Variants in SH3YL1 observed in about 807,000 individuals in gnomAD.
The protein encoded by SH3YL1 is SH3 domain-containing YSC84-like protein 1.
A neutral mutation model predicts 45.8 loss-of-function variants in SH3YL1; 41 were observed. That is an observed-to-expected ratio of 0.89 (90% CI 0.70 to 1.16). The LOEUF is 1.16. SH3YL1 is among the 50% of genes most tolerant of loss of function. The probability of loss-of-function intolerance (pLI) is 0.00; values close to 1 mark genes in which losing one functional copy is unlikely to be tolerated. For missense variants in SH3YL1, 389 were observed against 409.6 expected (o/e 0.95, Z 0.43); for synonymous variants, 152 against 151.4 (o/e 1.00, Z -0.03).
At chr2:229,027 C>T (rs1439327873) in intron 8 of SH3YL1, among the ~76,000 whole-genome samples, 2 of 152,182 alleles carry the variant, frequency 1.3e-5, no homozygotes, top group East Asian at 1.9e-4. Context: ...GCAAGATCTA[C>T]GTTAAAGTCA....
intron 4 of SH3YL1, chr2:241,530 T>C (rs1458695194): frequency 3.2e-5 from 4 of 126,254 alleles, no homozygotes; most frequent in Non-Finnish European, 5.3e-5. Context: ...ATGAAAAACA[T>C]GGATCTACAC....
intron 1 of SH3YL1, chr2:256,753 T>C (rs1669350671): frequency 6.6e-6 from 1 of 152,206 alleles, no homozygotes; most frequent in Admixed American, 6.5e-5. Context: ...GGATAGGAAT[T>C]GCCAGTTCAT....
chr2:264,097 C>A, upstream of SH3YL1: 15 of 1,323,490 alleles, frequency 1.1e-5, no homozygotes, highest in Non-Finnish European at 1.5e-5. Context: ...CGGCAGGTGA[C>A]GAAGGAGGCG....
At chr2:220,134 C>G (rs960687347) in intron 9 of SH3YL1, among the ~76,000 whole-genome samples, 1 of 150,310 alleles carries the variant, frequency 6.7e-6, no homozygotes, top group African/African-American at 2.5e-5. Flanking sequence ...TACAGACATA[C>G]AGAAAACATC....
At chr2:252,944 G>A in intron 2 of SH3YL1, 61 bp downstream of exon 2, 1 of 1,052,818 alleles carries the variant, frequency 9.5e-7, no homozygotes, top group Non-Finnish European at 1.4e-6. Flanking sequence ...GTCGAACAAT[G>A]CAAAAAACAA....
At chr2:230,862 G>A in intron 7 of SH3YL1, 161 bp downstream of exon 7, 1 of 677,408 alleles carries the variant, frequency 1.5e-6, no homozygotes, top group Admixed American at 2.6e-5. Flanking sequence ...AATCTGTACA[G>A]AGGAAATGTC....
rs537756549 is a variant in SH3YL1 at position 248,392 on chromosome 2, G to T, written c.227-790C>A. On this transcript the variant is annotated intron_variant, in intron 3 of 9. Coordinates refer to ENST00000356150, the MANE Select transcript of SH3YL1 (RefSeq NM_015677.4). ...AACTATCCTACCCAGGCTTAGAGAA[G>T]TTTGGCTTACAGAAATTAGTGTCTG... Among the ~76,000 whole-genome samples, 12 of 152,228 alleles carry T rather than the reference G, an allele frequency of 7.9e-5. No homozygotes were observed. The East Asian group carries it at 2.1e-3, about 27-fold the overall frequency.
Position 233,171 on chromosome 2 carries a change from A to T in SH3YL1, c.463T>A (p.Ser155Thr). 6.3e-7 allele frequency: 1 copy of T among 1,597,206 alleles called. No individual in the cohort carries two copies. Among genetic ancestry groups the T allele is most frequent in the Non-Finnish European group, 8.5e-7 (1 of 1,170,296 alleles). Residue 155 changes from serine (S) to threonine (T), a missense_variant, in exon 6 of 10, where the codon TCA (serine) becomes ACA (threonine). Coordinates refer to ENST00000356150, the MANE Select transcript of SH3YL1 (RefSeq NM_015677.4). ...GACACGCCTGCAAAGAGTCCCCTTG[A>T]CTTGCAGTACGTGAAGACGGCAGCG... ...SSAAVFTYCK[S>T]RGLFAGVSLE...
Position 218,529 on chromosome 2 carries a change from T to A in SH3YL1, c.*282A>T. ...CACAGCTACCATATACATGGCCAGA[T>A]CAAATGCTTAGCGATGTTTGAAGTG... On this transcript the variant is annotated 3_prime_UTR_variant, in exon 10 of 10. Transcript: ENST00000356150. 3.7e-6 allele frequency: 1 copy of A among 273,932 alleles called. No individual in the cohort carries two copies. The highest frequency in any genetic ancestry group is 6.8e-5 in the East Asian group (1 of 14,756). 17.0% of individuals were successfully genotyped at this position (273,932 alleles called of 1,614,324 possible). A position where few individuals can be genotyped will look rare whatever the true frequency, so the allele number is the denominator to read the frequency against.
chr2:264,172 G>C, upstream of SH3YL1: 1 of 806,050 alleles, frequency 1.2e-6, no homozygotes, highest in Non-Finnish European at 1.8e-6. Flanking sequence ...GCCGCGCTCA[G>C]GCCTTCGCCC....
At chr2:232,871 T>C (rs754316343) in intron 6 of SH3YL1, 111 of 280,386 alleles carry the variant, frequency 4.0e-4, no homozygotes, top group Non-Finnish European at 6.5e-4. Flanking sequence ...AAAATGTGAA[T>C]TGTGTTAGTC....
At chr2:257,862 TTC>T (rs1669415620) in intron 1 of SH3YL1, among the ~76,000 whole-genome samples, 1 of 152,240 alleles carries the variant, frequency 6.6e-6, no homozygotes, top group African/African-American at 2.4e-5. Flanking sequence ...TGTTTCAGTC[TTC>T]TGTGTATGGC....
intron 4 of SH3YL1, among the ~76,000 whole-genome samples, chr2:239,196 C>A (rs1228831943): frequency 6.6e-6 from 1 of 152,200 alleles, no homozygotes; most frequent in Admixed American, 6.5e-5. Context: ...AATGAACACA[C>A]AATTAAGACT....
At position 226,867 on chromosome 2, in the gene SH3YL1, C is replaced by T. The variant is rs74679171; in HGVS notation, c.782-1947G>A. Among the ~76,000 whole-genome samples the T allele has an allele frequency of 5.9e-3, 891 of 150,958 alleles. 6 individuals carry two copies. The highest frequency in any genetic ancestry group is 9.9e-3 in the Non-Finnish European group (672 of 67,842). On this transcript the variant is annotated intron_variant, in intron 8 of 9. Transcript: ENST00000356150. Reference sequence around the variant, plus strand: ...GATTGCACATGGTCGGTAGTATACACGGTACAGAATATGGTGGGCAGCATA... The same window carrying T: ...GATTGCACATGGTCGGTAGTATACATGGTACAGAATATGGTGGGCAGCATA...
chr2:244,141 A>G (rs1340193672), intron 4 of SH3YL1, among the ~76,000 whole-genome samples: 4 of 152,060 alleles, frequency 2.6e-5, no homozygotes, highest in Non-Finnish European at 4.4e-5. Flanking sequence ...AATGAGAGCG[A>G]TGACAACCAC....
At chr2:261,616 G>A (rs1161748106) in intron 1 of SH3YL1, among the ~76,000 whole-genome samples, 3 of 152,158 alleles carry the variant, frequency 2.0e-5, no homozygotes, top group Non-Finnish European at 4.4e-5. Context: ...AATAATTTTA[G>A]GTATTGATCG....
rs571505948 is a variant in SH3YL1 at position 219,091 on chromosome 2, C to A, written c.839-90G>T. 2.9e-5 allele frequency: 29 copies of A among 1,013,632 alleles called. No individual in the cohort carries two copies. The Admixed American group carries it at 8.1e-4, about 28-fold the overall frequency. 62.8% of individuals were successfully genotyped at this position (1,013,632 alleles called of 1,614,324 possible). A position where few individuals can be genotyped will look rare whatever the true frequency, so the allele number is the denominator to read the frequency against. Reference sequence around the variant, plus strand: ...TAAGATAAAAATTAACCACTTAGGGCTTGGCATGCTGATGTCTTGGAGGCT... The same window carrying A: ...TAAGATAAAAATTAACCACTTAGGGATTGGCATGCTGATGTCTTGGAGGCT... On this transcript the variant is annotated intron_variant, in intron 9 of 9. Transcript: ENST00000356150.
chr2:243,664 C>G, intron 4 of SH3YL1: 1 of 1,233,202 alleles, frequency 8.1e-7, no homozygotes, highest in Admixed American at 3.1e-5. Context: ...TTGCTTGGAC[C>G]TTTCCCCTTC....
At chr2:244,568 AAAAG>A (rs34650142) in intron 4 of SH3YL1, 12,856 of 151,142 alleles carry the variant, frequency 0.085, 681 homozygotes, top group East Asian at 0.11. Flanking sequence ...AAAGAAAAGA[AAAAG>A]AAAGAAAGAA....
Sources: allele counts gnomAD v4.1 joint callset (sites outside exome capture counted in the v4.1 genomes callset), GRCh38; gene constraint gnomAD v4.1.1; transcripts MANE v1.5; gene names NCBI Gene and HGNC (gene_info 2026-07-23, HGNC 2026-07-21).